Variants in KLHDC2 observed in about 807,000 individuals in gnomAD.
The protein encoded by KLHDC2 is kelch domain containing 2, also known as kelch domain-containing protein 2.
A neutral mutation model predicts 62.3 loss-of-function variants in KLHDC2; 38 were observed. The observed-to-expected ratio is 0.61, with a 90% confidence interval of 0.47 to 0.80. The LOEUF (loss-of-function observed/expected upper bound fraction) is 0.80. Ranked by LOEUF, KLHDC2 falls within the 30% of genes least tolerant of loss-of-function variation. KLHDC2 has a pLI of 0.00. For synonymous variants in KLHDC2, 159 were observed against 161.0 expected (o/e 0.99, Z 0.09); for missense variants, 430 against 495.3 (o/e 0.87, Z 1.25).
intron 3 of KLHDC2, among the ~76,000 whole-genome samples, chr14:49,776,013 T>G (rs577165172): frequency 1.3e-5 from 2 of 152,166 alleles, no homozygotes; most frequent in Admixed American, 1.3e-4. Context: ...CTTTAGGGAT[T>G]TGAGATGCCT....
intron 3 of KLHDC2, chr14:49,774,930 G>C: frequency 6.9e-6 from 3 of 432,592 alleles, no homozygotes; most frequent in Non-Finnish European, 8.3e-6. Context: ...TGTGCTTTTT[G>C]CAGCTACTTG....
At chr14:49,782,807 T>C in intron 12 of KLHDC2, 23 bp from the exon 13 acceptor site, 1 of 1,605,338 alleles carries the variant, frequency 6.2e-7, no homozygotes, top group African/African-American at 1.3e-5. Flanking sequence ...AAATTACTTT[T>C]CTCTTTCCTT....
In KLHDC2 at chr14:49,785,356, A is replaced by C. The variant is rs1337445893; in HGVS notation, c.*2403A>C. ...AAAATAACAGTTACAAAGGCAATTT[A>C]TACCGCCCTTTACAAAAAATGCTAA... is the stretch of plus-strand genomic sequence containing the variant. On this transcript the variant is annotated 3_prime_UTR_variant, in exon 13 of 13. Coordinates refer to ENST00000298307, the MANE Select transcript of KLHDC2 (RefSeq NM_014315.3). 17 of 1,430,530 alleles carry C rather than the reference A, an allele frequency of 1.2e-5. No individual in the cohort carries two copies. In the Admixed American group the frequency reaches 2.2e-4, roughly 18 times the overall value. The allele number at this position is 1,430,530 out of a possible 1,614,324, so 88.6% of individuals were successfully genotyped here.
Position 49,785,195 on chromosome 14 carries a change from A to C in KLHDC2, c.*2242A>C. ...CGTTACAAAACAATTCACAAAAGCC[A>C]TTCTGTCAACTAATGGTAACTTACT... On this transcript the variant is annotated 3_prime_UTR_variant, in exon 13 of 13. Transcript: ENST00000298307. 6.2e-7 allele frequency: 1 copy of C among 1,606,456 alleles called. No homozygotes were observed. The highest frequency in any genetic ancestry group is 8.5e-7 in the Non-Finnish European group (1 of 1,173,066).
chr14:49,777,941 G>T lies in KLHDC2; in HGVS notation c.454G>T (p.Val152Leu), dbSNP rs1252032631. 5.0e-6 allele frequency: 8 copies of T among 1,600,896 alleles called. No homozygotes were observed. The highest frequency in any genetic ancestry group is 1.1e-5 in the South Asian group (1 of 89,740). ...PSSKDKLGVW[V>L]YKNKLIFFGG... Reference sequence around the variant, plus strand: ...ATCAAAGGACAAACTTGGTGTCTGGGTATATAAAAACAAGTAAGTTGGCAG... The same window carrying T: ...ATCAAAGGACAAACTTGGTGTCTGGTTATATAAAAACAAGTAAGTTGGCAG... The change falls in exon 4 of 13, where the codon GTA (valine) becomes TTA (leucine). Residue 152 changes from valine (V) to leucine (L), a missense_variant. By Grantham distance (32) the Val-to-Leu change is conservative. Coordinates refer to ENST00000298307, the MANE Select transcript of KLHDC2 (RefSeq NM_014315.3).
At chr14:49,770,161 G>C (rs1359667945) in intron 1 of KLHDC2, among the ~76,000 whole-genome samples, 1 of 152,192 alleles carries the variant, frequency 6.6e-6, no homozygotes, top group East Asian at 1.9e-4. Flanking sequence ...ATTTCTTGTG[G>C]ATTTAAAAGG....
intron 12 of KLHDC2, 82 bp from the exon 13 acceptor site, chr14:49,782,748 G>A (rs1889966396): frequency 1.3e-6 from 2 of 1,486,606 alleles, no homozygotes; most frequent in Non-Finnish European, 1.8e-6. Context: ...AAGAAAGAGG[G>A]ATGTTTTATG....
intron 2 of KLHDC2, among the ~76,000 whole-genome samples, chr14:49,772,450 T>C (rs528850964): frequency 6.6e-6 from 1 of 152,362 alleles, no homozygotes; most frequent in Admixed American, 6.5e-5. Context: ...TTGCCCTTTT[T>C]GTAAACTGGA....
At chr14:49,774,818 C>G in intron 3 of KLHDC2, 140 bp downstream of exon 3, 1 of 714,726 alleles carries the variant, frequency 1.4e-6, no homozygotes, top group African/African-American at 1.8e-5. Context: ...TATGAATGTG[C>G]ATTTTAGTAT....
intron 2 of KLHDC2, 144 bp downstream of exon 2, chr14:49,771,817 G>A: frequency 1.9e-6 from 1 of 533,962 alleles, no homozygotes; most frequent in Non-Finnish European, 3.4e-6. Flanking sequence ...AGGCTGGGGT[G>A]AAACCCCATC....
chr14:49,776,240 ATAAC>A (rs1889771144), intron 3 of KLHDC2, among the ~76,000 whole-genome samples: 1 of 152,208 alleles, frequency 6.6e-6, no homozygotes, highest in Non-Finnish European at 1.5e-5. Context: ...GGGGAGAATA[ATAAC>A]TGACACAACT....
At chr14:49,771,152 C>T (rs1359363373) in intron 1 of KLHDC2, among the ~76,000 whole-genome samples, 1 of 152,056 alleles carries the variant, frequency 6.6e-6, no homozygotes, top group Non-Finnish European at 1.5e-5. Context: ...AGTTTGAGAC[C>T]AGCCTGGCCA....
intron 3 of KLHDC2, 71 bp downstream of exon 3, chr14:49,774,749 TA>T (rs1389528063): frequency 1.1e-6 from 1 of 919,060 alleles, no homozygotes; most frequent in Non-Finnish European, 1.8e-6. Flanking sequence ...TGCAAATTTC[TA>T]AGGTTAGCCC....
rs370998550 is a variant in KLHDC2 at position 49,768,183 on chromosome 14, G to A, written c.-286G>A. 33 of 257,874 alleles carry A rather than the reference G, an allele frequency of 1.3e-4. 1 individual carries two copies. In the East Asian group the frequency reaches 1.3e-3, roughly 10 times the overall value. The allele number at this position is 257,874 out of a possible 1,614,324, so 16.0% of individuals were successfully genotyped here. A position where few individuals can be genotyped will look rare whatever the true frequency, so the allele number is the denominator to read the frequency against. ...GGCTGCAATAGGGAGCCGGCCCGACGCGGACCGCTTCCCTGCAGTGCCCCG... is the reference window on the plus strand; with the variant it reads ...GGCTGCAATAGGGAGCCGGCCCGACACGGACCGCTTCCCTGCAGTGCCCCG... On this transcript the variant is annotated 5_prime_UTR_variant, in exon 1 of 13. Transcript: ENST00000298307.
At position 49,778,412 on chromosome 14, in the gene KLHDC2, A is replaced by G; in HGVS notation, c.551A>G (p.Asn184Ser). Residue 184 changes from asparagine (N) to serine (S), a missense_variant and splice_region_variant, in exon 6 of 13, where the codon AAT becomes AGT. Asn to Ser is a conservative substitution (Grantham distance 46). Transcript: ENST00000298307. ...TFEFDETSFWNSSHPRGWNDH... is the reference protein window; with the variant it reads ...TFEFDETSFWSSSHPRGWNDH... Reference sequence around the variant, plus strand: ...AACGCGGATTCTTATTTTCTGTAGAATTCAAGTCATCCAAGAGGATGGAAT... The same window carrying G: ...AACGCGGATTCTTATTTTCTGTAGAGTTCAAGTCATCCAAGAGGATGGAAT... 3.2e-6 allele frequency: 5 copies of G among 1,549,940 alleles called. No individual in the cohort carries two copies. The highest frequency in any genetic ancestry group is 4.4e-6 in the Non-Finnish European group (5 of 1,129,124).
At chr14:49,780,499 A>G in intron 9 of KLHDC2, 177 bp downstream of exon 9, 1 of 636,996 alleles carries the variant, frequency 1.6e-6, no homozygotes, top group Non-Finnish European at 2.8e-6. Context: ...TCTGTTCAAT[A>G]AAGAACCTGG....
intron 10 of KLHDC2, 103 bp from the exon 11 acceptor site, chr14:49,782,267 T>C: frequency 1.4e-6 from 1 of 690,698 alleles, no homozygotes; most frequent in Non-Finnish European, 2.5e-6. Context: ...TGGTCTGAAC[T>C]ACCTTAAGAT....
At chr14:49,779,522 C>T (rs1454275055) in intron 6 of KLHDC2, 73 bp from the exon 7 acceptor site, 1 of 1,118,554 alleles carries the variant, frequency 8.9e-7, no homozygotes, top group East Asian at 2.4e-5. Context: ...ATTCTTATCC[C>T]ATATCCAGAG....
In KLHDC2 at chr14:49,785,945, T is replaced by C. The variant is rs76370521; in HGVS notation, c.*2992T>C. The C allele has an allele frequency of 0.012, 1,812 of 150,998 alleles. 32 individuals are homozygous for C. Among genetic ancestry groups the C allele is most frequent in the Admixed American group, 0.04 (607 of 15,178 alleles). 9.4% of individuals were successfully genotyped at this position (150,998 alleles called of 1,614,324 possible). A position where few individuals can be genotyped will look rare whatever the true frequency, so the allele number is the denominator to read the frequency against. Reference sequence around the variant, plus strand: ...GGATATTACCTGAGTTGCAGAAACCTGCTGTGGATTAAAATGATGCAATAA... The same window carrying C: ...GGATATTACCTGAGTTGCAGAAACCCGCTGTGGATTAAAATGATGCAATAA... On this transcript the variant is annotated 3_prime_UTR_variant, in exon 13 of 13. Coordinates refer to ENST00000298307, the MANE Select transcript of KLHDC2 (RefSeq NM_014315.3).
Sources: allele counts gnomAD v4.1 joint callset (sites outside exome capture counted in the v4.1 genomes callset), GRCh38; gene constraint gnomAD v4.1.1; transcripts MANE v1.5; gene names NCBI Gene and HGNC (gene_info 2026-07-23, HGNC 2026-07-21).